CD6: variants seen among roughly 807,000 people sequenced by gnomAD.
CD6 encodes T-cell differentiation antigen CD6.
In CD6, 53 loss-of-function variants were observed where a neutral mutation model predicts 75.3. The observed-to-expected ratio is 0.70, with a 90% CI of 0.56 to 0.88. The LOEUF (loss-of-function observed/expected upper bound fraction) is 0.88, where lower values mean the gene tolerates loss of function less well. Ranked by LOEUF, CD6 falls within the 40% of genes least tolerant of loss-of-function variation. The probability of loss-of-function intolerance (pLI) is 0.00; values close to 1 mark genes in which losing one functional copy is unlikely to be tolerated. For synonymous variants in CD6, 359 were observed against 381.5 expected (o/e 0.94, Z 0.69); for missense variants, 770 against 897.1 (o/e 0.86, Z 1.81).
chr11:61,006,953 G>A (rs937078939), intron 2 of CD6, among the ~76,000 whole-genome samples: 1 of 152,126 alleles, frequency 6.6e-6, no homozygotes. Flanking sequence ...CTCAGCAGAC[G>A]TTTATTAAGG....
At chr11:60,978,670 C>T (rs557175503) in intron 1 of CD6, among the ~76,000 whole-genome samples, 1 of 152,280 alleles carries the variant, frequency 6.6e-6, no homozygotes, top group African/African-American at 2.4e-5. Context: ...GCAGCAGAGA[C>T]CCAGCCACTA....
chr11:61,019,223 C>T lies in CD6; in HGVS notation c.1943-31C>T, dbSNP rs751645154. On this transcript the variant is annotated intron_variant, in intron 12 of 12. Coordinates refer to ENST00000313421, the MANE Select transcript of CD6 (RefSeq NM_006725.5). ...TGGGGCAGCAGGGCAATGACTGGGT[C>T]TCCCACTAATCTGGGCCTCTCTGCC... 5 of 1,575,924 alleles carry T rather than the reference C, an allele frequency of 3.2e-6. No individual in the cohort carries two copies. In the South Asian group the frequency reaches 4.5e-5, roughly 14 times the overall value.
At chr11:61,000,919 C>T (rs989851238) in intron 1 of CD6, among the ~76,000 whole-genome samples, 1 of 152,152 alleles carries the variant, frequency 6.6e-6, no homozygotes, top group African/African-American at 2.4e-5. Context: ...AAAAAGCCGC[C>T]TCCTTCCTGG....
intron 1 of CD6, among the ~76,000 whole-genome samples, chr11:60,993,984 A>C (rs538565206): frequency 1.1e-4 from 16 of 152,244 alleles, no homozygotes; most frequent in Non-Finnish European, 2.4e-4. Flanking sequence ...TGTTGATCTT[A>C]TCTTTTAAGT....
intron 1 of CD6, among the ~76,000 whole-genome samples, chr11:60,974,553 C>T (rs533899977): frequency 1.4e-4 from 21 of 152,330 alleles, no homozygotes; most frequent in African/African-American, 5.1e-4. Flanking sequence ...CCTCCTTCTT[C>T]CCTTTCTAAC....
chr11:61,001,149 T>C (rs894103954), intron 1 of CD6, among the ~76,000 whole-genome samples: 2 of 151,880 alleles, frequency 1.3e-5, no homozygotes, highest in African/African-American at 4.8e-5. Flanking sequence ...TATTTTTCAA[T>C]GTTTTGTCAT....
intron 1 of CD6, among the ~76,000 whole-genome samples, chr11:60,977,614 G>A (rs1436743868): frequency 6.6e-6 from 1 of 152,080 alleles, no homozygotes; most frequent in African/African-American, 2.4e-5. Flanking sequence ...TTTACTTAAC[G>A]TAATTTCCCT....
chr11:61,016,640 TG>T (rs1388336194), intron 9 of CD6, among the ~76,000 whole-genome samples: 1 of 152,170 alleles, frequency 6.6e-6, no homozygotes, highest in African/African-American at 2.4e-5. Context: ...AAGGGAACGA[TG>T]GGATGCTGGA....
intron 1 of CD6, among the ~76,000 whole-genome samples, chr11:60,994,278 T>C (rs1858194014): frequency 6.6e-6 from 1 of 151,322 alleles, no homozygotes. Flanking sequence ...CTGTCTCTAG[T>C]AAAATACAAA....
At chr11:60,985,110 C>T (rs1352891278) in intron 1 of CD6, 1 of 149,292 alleles carries the variant, frequency 6.7e-6, no homozygotes, top group African/African-American at 2.5e-5. Flanking sequence ...GTACAGGGGT[C>T]ATTCTAATCT....
chr11:60,999,595 C>T (rs1478064124), intron 1 of CD6, among the ~76,000 whole-genome samples: 3 of 152,022 alleles, frequency 2.0e-5, no homozygotes, highest in African/African-American at 2.4e-5. Flanking sequence ...CTTATCCCCA[C>T]ATCATTAAAT....
At chr11:61,009,397 G>A (rs980629264) in intron 4 of CD6, among the ~76,000 whole-genome samples, 175 bp from the exon 5 acceptor site, 5 of 152,256 alleles carry the variant, frequency 3.3e-5, no homozygotes, top group Admixed American at 1.3e-4. Context: ...TATCACAGCA[G>A]GGTTGGCCAG....
In CD6 at chr11:61,017,525, G is replaced by A; in HGVS notation, c.1557G>A (p.Arg519=). 6.4e-7 allele frequency: 1 copy of A among 1,552,620 alleles called. No homozygotes were observed. Among genetic ancestry groups the A allele is most frequent in the Non-Finnish European group, 8.7e-7 (1 of 1,147,988 alleles). ...CAGATGAGGAGGTCCAGCAAAGCAGGTTCCAGATGCCACCCTTGGAGGAAG... is the reference window on the plus strand; with the variant it reads ...CAGATGAGGAGGTCCAGCAAAGCAGATTCCAGATGCCACCCTTGGAGGAAG... ...RVTDEEVQQS[R]FQMPPLEEGL... The change falls in exon 10 of 13, where the codon AGG becomes AGA. Residue 519 remains arginine (R), a synonymous_variant. Transcript: ENST00000313421.
rs1023990238 is a variant in CD6 at position 61,007,253 on chromosome 11, G to T, written c.119-307G>T. ...CTCTGCCTTTCTTTCACAAACGGGT[G>T]CCCCTGGAGACAGGAGCAAGTGAGG... On this transcript the variant is annotated intron_variant, in intron 2 of 12. Coordinates refer to ENST00000313421, the MANE Select transcript of CD6 (RefSeq NM_006725.5). This position sits in a 1 kb window ranked among gnomAD's most constrained non-coding sequence, Gnocchi z 4.2. 6.6e-6 allele frequency among the ~76,000 whole-genome samples: 1 copy of T among 152,170 alleles called. No homozygotes were observed. Among genetic ancestry groups the T allele is most frequent in the Non-Finnish European group, 1.5e-5 (1 of 68,024 alleles).
intron 6 of CD6, among the ~76,000 whole-genome samples, chr11:61,012,743 C>T (rs924698467): frequency 6.6e-6 from 1 of 152,098 alleles, no homozygotes; most frequent in African/African-American, 2.4e-5. Context: ...AGAAGTCACC[C>T]CTGAGTGGGG....
At chr11:61,017,190 CCA>C in intron 9 of CD6, 2 of 440,274 alleles carry the variant, frequency 4.5e-6, no homozygotes, top group Non-Finnish European at 8.4e-6. Context: ...AAGGACAGAA[CCA>C]AGACTCTTGA....
rs1191977472 is a variant in CD6 at position 61,007,644 on chromosome 11, C to T, written c.203C>T (p.Pro68Leu). 2 of 1,468,822 alleles carry T rather than the reference C, an allele frequency of 1.4e-6. No individual in the cohort carries two copies. Among genetic ancestry groups the T allele is most frequent in the Admixed American group, 5.0e-5 (2 of 39,926 alleles). The allele number at this position is 1,468,822 out of a possible 1,614,324, so 91.0% of individuals were successfully genotyped here. A position where few individuals can be genotyped will look rare whatever the true frequency, so the allele number is the denominator to read the frequency against. ...VEVRLEASWE[P>L]ACGALWDSRA... ...GTGCGGCTCGAGGCGTCCTGGGAGCCCGCGTGCGGGGCGCTCTGGGACAGC... is the reference window on the plus strand; with the variant it reads ...GTGCGGCTCGAGGCGTCCTGGGAGCTCGCGTGCGGGGCGCTCTGGGACAGC... The change falls in exon 3 of 13, where the codon CCC becomes CTC. Residue 68 changes from proline to leucine, a missense_variant. Pro to Leu is a moderately conservative substitution (Grantham distance 98). Transcript: ENST00000313421. The surrounding 1 kb of genome is among the most constrained non-coding windows in gnomAD (Gnocchi z 4.2).
rs1478544198 is a variant in CD6 at position 61,013,513 on chromosome 11, G to A, written c.1241G>A (p.Gly414Asp). 1.2e-6 allele frequency: 2 copies of A among 1,614,054 alleles called. No individual in the cohort carries two copies. The highest frequency in any genetic ancestry group is 2.2e-5 in the East Asian group (1 of 44,858). The change falls in exon 7 of 13, where the codon GGC becomes GAC. Residue 414 changes from glycine (G) to aspartate (D), a missense_variant. Transcript: ENST00000313421. ...ATCGTTCTGGGAATTCTCCTCCTTGGCTCCCTCATCTTCATAGCCTTCATC... is the reference window on the plus strand; with the variant it reads ...ATCGTTCTGGGAATTCTCCTCCTTGACTCCCTCATCTTCATAGCCTTCATC... ...PSIVLGILLL[G>D]SLIFIAFILL...
At position 61,007,434 on chromosome 11, in the gene CD6, C is replaced by T. The variant is rs1039813422; in HGVS notation, c.119-126C>T. On this transcript the variant is annotated intron_variant, in intron 2 of 12. Coordinates refer to ENST00000313421, the MANE Select transcript of CD6 (RefSeq NM_006725.5). This position sits in a 1 kb window ranked among gnomAD's most constrained non-coding sequence, Gnocchi z 4.2. ...AGCCAGCCCGGCTCCATTTTGCAGA[C>T]TGGAAAGCTGAGACCCCTAGCCAGG... 1.4e-6 allele frequency: 1 copy of T among 722,440 alleles called. No individual in the cohort carries two copies. 44.8% of individuals were successfully genotyped at this position (722,440 alleles called of 1,614,324 possible).
Sources: gnomAD v4.1 joint callset for allele counts (sites outside exome capture counted in the v4.1 genomes callset) on GRCh38, gnomAD v4.1.1 for gene constraint, Gnocchi (gnomAD v3.1) non-coding constraint, MANE v1.5 for transcripts, NCBI Gene and HGNC (gene_info 2026-07-23, HGNC 2026-07-21) for gene names.